The following ATP2A2 variants were observed in gnomAD, a reference collection of about 807,000 sequenced individuals.
The protein encoded by ATP2A2 is ATPase sarcoplasmic/endoplasmic reticulum Ca2+ transporting 2.
Under a neutral mutation model 109.3 loss-of-function variants are expected in ATP2A2, and 14 were observed. The observed-to-expected ratio is 0.13, with a 90% CI of 0.08 to 0.20. ATP2A2 has a LOEUF of 0.20. Ranked by LOEUF, ATP2A2 falls within the 10% of genes least tolerant of loss-of-function variation. The pLI is 1.00. For missense variants in ATP2A2, 657 were observed against 1,321.6 expected (o/e 0.50, Z 7.80); for synonymous variants, 506 against 490.9 (o/e 1.03, Z -0.41).
chr12:110,291,183 C>T (rs1341369066), intron 3 of ATP2A2, among the ~76,000 whole-genome samples: 1 of 151,390 alleles, frequency 6.6e-6, no homozygotes, highest in Non-Finnish European at 1.5e-5. Flanking sequence ...GCTGGAATTA[C>T]AGGCGTGAGC....
At position 110,350,283 on chromosome 12, in the gene ATP2A2, C is replaced by A; in HGVS notation, c.*3813C>A. Reference sequence around the variant, plus strand: ...CATGAAGCTGATTTCCTCTCTCTTTCCTTTTCAGCAATACTGGAGTAACCG... The same window carrying A: ...CATGAAGCTGATTTCCTCTCTCTTTACTTTTCAGCAATACTGGAGTAACCG... On this transcript the variant is annotated 3_prime_UTR_variant, in exon 20 of 20. Coordinates refer to ENST00000539276, the MANE Select transcript of ATP2A2 (RefSeq NM_170665.4). 2 of 1,614,222 alleles carry A rather than the reference C, an allele frequency of 1.2e-6. No homozygotes were observed. Among genetic ancestry groups the A allele is most frequent in the East Asian group, 2.2e-5 (1 of 44,896 alleles).
rs185909853 is a variant in ATP2A2 at position 110,298,177 on chromosome 12, C to T, written c.463+1440C>T. ...TTAATGAATTGAAAGAGCTGCATTC[C>T]TTAACCCATGCTCTACAACTTTGGC... On this transcript the variant is annotated intron_variant, in intron 5 of 19. Coordinates refer to ENST00000539276, the MANE Select transcript of ATP2A2 (RefSeq NM_170665.4). Among the ~76,000 whole-genome samples the T allele has an allele frequency of 2.6e-5, 4 of 152,280 alleles. No individual in the cohort carries two copies. In the East Asian group the frequency reaches 7.7e-4, roughly 29 times the overall value.
chr12:110,296,841 C>A, intron 5 of ATP2A2, 104 bp downstream of exon 5: 2 of 1,300,314 alleles, frequency 1.5e-6, no homozygotes, highest in South Asian at 1.3e-5. Context: ...TTTCATGTAT[C>A]AATTAACACA....
intron 5 of ATP2A2, among the ~76,000 whole-genome samples, chr12:110,307,759 T>A (rs1011840621): frequency 6.6e-6 from 1 of 151,708 alleles, no homozygotes; most frequent in Non-Finnish European, 1.5e-5. Context: ...CTTTGTTGAG[T>A]GCATAGTTTG....
chr12:110,319,023 A>G (rs1431425863), intron 5 of ATP2A2, among the ~76,000 whole-genome samples: 2 of 152,110 alleles, frequency 1.3e-5, no homozygotes, highest in African/African-American at 2.4e-5. Context: ...GTGTATTTGT[A>G]AAACCTTTTT....
chr12:110,327,600 T>G lies in ATP2A2; in HGVS notation c.678T>G (p.Thr226=), dbSNP rs778661160. The change falls in exon 8 of 20, where the codon ACT becomes ACG. Residue 226 remains threonine (T), a synonymous_variant. Transcript: ENST00000539276. This position sits in a 1 kb window ranked among gnomAD's most constrained non-coding sequence, Gnocchi z 4.4. ...AGKAMGVVVA[T]GVNTEIGKIR... ...AAGCTATGGGAGTGGTGGTAGCAAC[T>G]GGAGTTAACACCGAAATTGGCAAGA... 1 of 1,613,952 alleles carries G rather than the reference T, an allele frequency of 6.2e-7. No individual in the cohort carries two copies. The highest frequency in any genetic ancestry group is 8.5e-7 in the Non-Finnish European group (1 of 1,180,002).
rs943792908 is a variant in ATP2A2, at chr12:110,281,703, G to A, written c.-87G>A. 4.3e-6 allele frequency: 4 copies of A among 931,706 alleles called. No individual in the cohort carries two copies. Among genetic ancestry groups the A allele is most frequent in the East Asian group, 3.4e-5 (1 of 29,416 alleles). 57.7% of individuals were successfully genotyped at this position (931,706 alleles called of 1,614,324 possible). A position where few individuals can be genotyped will look rare whatever the true frequency, so the allele number is the denominator to read the frequency against. On this transcript the variant is annotated 5_prime_UTR_variant, in exon 1 of 20. Coordinates refer to ENST00000539276, the MANE Select transcript of ATP2A2 (RefSeq NM_170665.4). ...GAGCCCGTCCGCGCCTGGGCTCCCG[G>A]GGTGGCACGAGCCCGCGGCCGGAGT...
chr12:110,295,948 ACTT>A (rs1019992668), intron 4 of ATP2A2: 1 of 152,908 alleles, frequency 6.5e-6, no homozygotes, highest in African/African-American at 2.4e-5. Flanking sequence ...GTTACATATG[ACTT>A]CTTATCCTCA....
rs2137850621 is a variant in ATP2A2 at position 110,339,191 on chromosome 12, T to C, written c.1420-90T>C. 6.5e-7 allele frequency: 1 copy of C among 1,537,064 alleles called. No individual in the cohort carries two copies. The highest frequency in any genetic ancestry group is 1.7e-5 in the Admixed American group (1 of 59,808). The stretch of plus-strand genomic sequence containing the variant: ...TTTGTTTATTGCTATATTCCTAGCA[T>C]CTGTCATGTAATAGGTGTGCTTACT... On this transcript the variant is annotated intron_variant, in intron 11 of 19. Coordinates refer to ENST00000539276, the MANE Select transcript of ATP2A2 (RefSeq NM_170665.4). This position sits in a 1 kb window ranked among gnomAD's most constrained non-coding sequence, Gnocchi z 4.4.
chr12:110,284,387 C>T lies in ATP2A2; in HGVS notation c.219+1592C>T, dbSNP rs76883324. Among the ~76,000 whole-genome samples the T allele has an allele frequency of 8.2e-3, 1,243 of 152,286 alleles. 26 individuals are homozygous for T. The highest frequency in any genetic ancestry group is 0.029 in the African/African-American group (1,197 of 41,548). ...CATTGGGAACTTCTTAAAAATTAAT[C>T]AGCTGACTACAAGCCAGAAGCAAAA... On this transcript the variant is annotated intron_variant, in intron 3 of 19. Transcript: ENST00000539276.
At chr12:110,310,856 A>G (rs1001108879) in intron 5 of ATP2A2, among the ~76,000 whole-genome samples, 3 of 152,256 alleles carry the variant, frequency 2.0e-5, no homozygotes, top group African/African-American at 7.2e-5. Context: ...GACAGTTAAC[A>G]TGCAGTACTG....
rs1055769932 is a variant in ATP2A2, at chr12:110,349,737, A to C, written c.*3267A>C. 1.1e-5 allele frequency: 11 copies of C among 1,013,412 alleles called. No individual in the cohort carries two copies. The African/African-American group carries it at 1.9e-4, about 17-fold the overall frequency. The allele number at this position is 1,013,412 out of a possible 1,614,324, so 62.8% of individuals were successfully genotyped here. A position where few individuals can be genotyped will look rare whatever the true frequency, so the allele number is the denominator to read the frequency against. ...TGCAGTGCCTGTGAGCAGAGCCAGC[A>C]GTTGCCCTGTGACTGTAACCACCAA... On this transcript the variant is annotated 3_prime_UTR_variant, in exon 20 of 20. Coordinates refer to ENST00000539276, the MANE Select transcript of ATP2A2 (RefSeq NM_170665.4).
Position 110,347,564 on chromosome 12 carries a change from GTGTA to G in ATP2A2, c.*1098_*1101del. 8.0e-7 allele frequency: 1 copy of G among 1,248,318 alleles called. No individual in the cohort carries two copies. The highest frequency in any genetic ancestry group is 1.3e-5 in the South Asian group (1 of 75,942). 77.3% of individuals were successfully genotyped at this position (1,248,318 alleles called of 1,614,324 possible). The stretch of plus-strand genomic sequence containing the variant: ...TGGTATAGAGAACATAAGGGCAAGT[GTGTA>G]TGTGTGTGTATGTGTGTGTTTTGTA... On this transcript the variant is annotated 3_prime_UTR_variant, in exon 20 of 20. Coordinates refer to ENST00000539276, the MANE Select transcript of ATP2A2 (RefSeq NM_170665.4).
At chr12:110,309,793 C>T (rs575317490) in intron 5 of ATP2A2, among the ~76,000 whole-genome samples, 3 of 151,896 alleles carry the variant, frequency 2.0e-5, no homozygotes, top group Admixed American at 1.3e-4. Flanking sequence ...GTAGTCCCAA[C>T]GACTTGAAAA....
At chr12:110,310,435 A>C (rs1308657038) in intron 5 of ATP2A2, among the ~76,000 whole-genome samples, 1 of 152,164 alleles carries the variant, frequency 6.6e-6, no homozygotes, top group Non-Finnish European at 1.5e-5. Context: ...TAGAAGTCTT[A>C]GTTTTAGAAT....
At chr12:110,294,964 C>G (rs1022419971) in intron 4 of ATP2A2, among the ~76,000 whole-genome samples, 1 of 151,894 alleles carries the variant, frequency 6.6e-6, no homozygotes, top group Non-Finnish European at 1.5e-5. Flanking sequence ...GGATTACAGG[C>G]GTGCACCACC....
chr12:110,325,418 C>G (rs573151615), intron 6 of ATP2A2, among the ~76,000 whole-genome samples: 1 of 151,602 alleles, frequency 6.6e-6, no homozygotes, highest in African/African-American at 2.4e-5. Context: ...GGGATCACCT[C>G]AGGTCAGGAG....
Position 110,350,177 on chromosome 12 carries a change from C to A in ATP2A2, c.*3707C>A, listed in dbSNP as rs1592875498. The A allele has an allele frequency of 6.9e-6, 11 of 1,601,944 alleles. No individual in the cohort carries two copies. In the South Asian group the frequency reaches 1.2e-4, roughly 18 times the overall value. On this transcript the variant is annotated 3_prime_UTR_variant, in exon 20 of 20. Coordinates refer to ENST00000539276, the MANE Select transcript of ATP2A2 (RefSeq NM_170665.4). ...GCTGGTCTTGAAACCTTGAAAAGAT[C>A]AAGCTGAATGTTCCTTTTCATCTGT...
chr12:110,321,703 G>A lies in ATP2A2; in HGVS notation c.464-1289G>A, dbSNP rs147788063. The stretch of plus-strand genomic sequence containing the variant: ...TCCCGCCTCAGCCTCCCAAAGTGTT[G>A]GGATTAACGGACAGCTGTTTTAATG... On this transcript the variant is annotated intron_variant, in intron 5 of 19. Transcript: ENST00000539276. Among the ~76,000 whole-genome samples the A allele has an allele frequency of 2.4e-4, 36 of 151,950 alleles. 1 individual carries two copies. Among genetic ancestry groups the A allele is most frequent in the African/African-American group, 7.7e-4 (32 of 41,474 alleles).
Sources: gnomAD v4.1 joint callset for allele counts (sites outside exome capture counted in the v4.1 genomes callset) on GRCh38, gnomAD v4.1.1 for gene constraint, Gnocchi (gnomAD v3.1) non-coding constraint, MANE v1.5 for transcripts, NCBI Gene and HGNC (gene_info 2026-07-23, HGNC 2026-07-21) for gene names.